DGKE: variants seen among roughly 807,000 people sequenced by gnomAD.
The protein encoded by DGKE is diacylglycerol kinase epsilon.
In DGKE, 53 loss-of-function variants were observed where a neutral mutation model predicts 70.0. That is an observed-to-expected ratio of 0.76 (90% CI 0.61 to 0.95). DGKE has a LOEUF of 0.95. Ranked by LOEUF, DGKE falls within the 40% of genes least tolerant of loss-of-function variation. DGKE has a pLI of 0.00. For synonymous variants in DGKE, 291 were observed against 257.0 expected (o/e 1.13, Z -1.27); for missense variants, 655 against 706.9 (o/e 0.93, Z 0.83).
At chr17:56,840,499 C>T (rs953580049) in intron 2 of DGKE, among the ~76,000 whole-genome samples, 4 of 152,132 alleles carry the variant, frequency 2.6e-5, no homozygotes, top group African/African-American at 9.7e-5. Flanking sequence ...CCTCAGCCTC[C>T]CGAGTAGCTG....
At chr17:56,845,875 T>C (rs1418442025) in intron 4 of DGKE, 66 bp downstream of exon 4, 9 of 1,454,166 alleles carry the variant, frequency 6.2e-6, no homozygotes, top group African/African-American at 1.4e-5. Context: ...TGATTATTAA[T>C]GCTTCAAGTC....
chr17:56,836,151 G>T (rs538819184), intron 2 of DGKE: 21 of 152,280 alleles, frequency 1.4e-4, no homozygotes, highest in Admixed American at 5.9e-4. Context: ...GTAGAAAGGC[G>T]CATAAACATG....
Position 56,848,977 on chromosome 17 carries a change from C to T in DGKE, c.1046+124C>T, listed in dbSNP as rs2271898. The T allele has an allele frequency of 0.74, 1,014,768 of 1,379,984 alleles. 374,884 individuals carry two copies. The highest frequency in any genetic ancestry group is 0.88 in the East Asian group (37,223 of 42,118). 85.5% of individuals were successfully genotyped at this position (1,379,984 alleles called of 1,614,324 possible). A position where few individuals can be genotyped will look rare whatever the true frequency, so the allele number is the denominator to read the frequency against. On this transcript the variant is annotated intron_variant, in intron 6 of 11. Coordinates refer to ENST00000284061, the MANE Select transcript of DGKE (RefSeq NM_003647.3). The stretch of plus-strand genomic sequence containing the variant: ...ATGTGAAAGACTATACTAGTTGTAC[C>T]TACACAGATACTGGTGTTTTGTTTT...
rs1029869668 is a variant in DGKE at position 56,864,742 on chromosome 17, C to G, written c.*1951C>G. ...GTTATAGTTTACCTGTTATATAATT[C>G]GTAGTGCTAATTGTAGTAGAAGCAA... On this transcript the variant is annotated 3_prime_UTR_variant, in exon 12 of 12. Transcript: ENST00000284061. The G allele has an allele frequency of 1.8e-4, 27 of 151,890 alleles. No homozygotes were observed. Among genetic ancestry groups the G allele is most frequent in the African/African-American group, 5.8e-4 (24 of 41,326 alleles). The allele number at this position is 151,890 out of a possible 1,614,324, so 9.4% of individuals were successfully genotyped here.
intron 2 of DGKE, chr17:56,835,655 G>A (rs1268360557): frequency 6.9e-6 from 2 of 288,612 alleles, no homozygotes; most frequent in Non-Finnish European, 1.3e-5. Flanking sequence ...AAACTGATGG[G>A]TCACAGGTTT....
At position 56,863,812 on chromosome 17, in the gene DGKE, A is replaced by C. The variant is rs1420398636; in HGVS notation, c.*1021A>C. 1 of 152,120 alleles carries C rather than the reference A, an allele frequency of 6.6e-6. No homozygotes were observed. The highest frequency in any genetic ancestry group is 1.5e-5 in the Non-Finnish European group (1 of 68,024). 9.4% of individuals were successfully genotyped at this position (152,120 alleles called of 1,614,324 possible). A position where few individuals can be genotyped will look rare whatever the true frequency, so the allele number is the denominator to read the frequency against. ...TAAAATGAGAGAGATATATTTTTAA[A>C]TTATTTATTATTTACCTTGTGGTAT... On this transcript the variant is annotated 3_prime_UTR_variant, in exon 12 of 12. Coordinates refer to ENST00000284061, the MANE Select transcript of DGKE (RefSeq NM_003647.3).
In DGKE at chr17:56,847,902, T is replaced by C; in HGVS notation, c.745-20T>C. Reference sequence around the variant, plus strand: ...GAAAATGTTGGATAAAAATAATTTGTCTTTTTCTTTTGTTTCTAGGTTTTT... The same window carrying C: ...GAAAATGTTGGATAAAAATAATTTGCCTTTTTCTTTTGTTTCTAGGTTTTT... On this transcript the variant is annotated intron_variant, in intron 4 of 11. Coordinates refer to ENST00000284061, the MANE Select transcript of DGKE (RefSeq NM_003647.3). 1 of 1,523,522 alleles carries C rather than the reference T, an allele frequency of 6.6e-7. No homozygotes were observed. Among genetic ancestry groups the C allele is most frequent in the East Asian group, 2.4e-5 (1 of 41,920 alleles). The allele number at this position is 1,523,522 out of a possible 1,614,324, so 94.4% of individuals were successfully genotyped here. A position where few individuals can be genotyped will look rare whatever the true frequency, so the allele number is the denominator to read the frequency against.
At position 56,835,262 on chromosome 17, in the gene DGKE, A is replaced by G. The variant is rs774176060; in HGVS notation, c.464+3A>G. The G allele has an allele frequency of 6.9e-6, 11 of 1,604,150 alleles. No homozygotes were observed. In the East Asian group the frequency reaches 1.8e-4, roughly 26 times the overall value. ...CAACCCAAGCTTTGCGATTACAGGT[A>G]TGGTCTTCGTGGACACTCACTGTCC... On this transcript the variant is annotated splice_donor_region_variant and intron_variant, in intron 2 of 11. Coordinates refer to ENST00000284061, the MANE Select transcript of DGKE (RefSeq NM_003647.3).
chr17:56,851,759 A>G (rs1907664988), intron 7 of DGKE, among the ~76,000 whole-genome samples: 1 of 152,372 alleles, frequency 6.6e-6, no homozygotes, highest in Middle Eastern at 3.4e-3. Flanking sequence ...GAGTGGGACT[A>G]ATGTTCTCAG....
Position 56,864,076 on chromosome 17 carries a change from T to G in DGKE, c.*1285T>G, listed in dbSNP as rs908539508. ...CTTTTGGATAACTGAAAGCTTTGTT[T>G]CATTGTTTTATTTGCCCCTCAATTG... On this transcript the variant is annotated 3_prime_UTR_variant, in exon 12 of 12. Transcript: ENST00000284061. The G allele has an allele frequency of 6.6e-6, 1 of 152,214 alleles. No individual in the cohort carries two copies. The highest frequency in any genetic ancestry group is 1.5e-5 in the Non-Finnish European group (1 of 68,028). The allele number at this position is 152,214 out of a possible 1,614,324, so 9.4% of individuals were successfully genotyped here. A position where few individuals can be genotyped will look rare whatever the true frequency, so the allele number is the denominator to read the frequency against.
intron 9 of DGKE, among the ~76,000 whole-genome samples, chr17:56,858,868 A>G (rs1309831248): frequency 2.0e-5 from 3 of 152,210 alleles, no homozygotes; most frequent in Non-Finnish European, 4.4e-5. Flanking sequence ...TATGTATTAT[A>G]TATTCACATT....
At chr17:56,860,588 A>G (rs537619705) in intron 9 of DGKE, among the ~76,000 whole-genome samples, 1 of 152,376 alleles carries the variant, frequency 6.6e-6, no homozygotes, top group East Asian at 1.9e-4. Context: ...AAGTTATATA[A>G]GAAAAGCATG....
intron 2 of DGKE, among the ~76,000 whole-genome samples, chr17:56,841,799 G>T (rs1185761573): frequency 1.3e-5 from 2 of 151,992 alleles, no homozygotes; most frequent in Non-Finnish European, 2.9e-5. Flanking sequence ...ACAGAAAAGG[G>T]GTCAGGTTTT....
At chr17:56,851,623 T>TC (rs1361221535) in intron 7 of DGKE, among the ~76,000 whole-genome samples, 3 of 152,168 alleles carry the variant, frequency 2.0e-5, no homozygotes, top group African/African-American at 7.2e-5. Flanking sequence ...AAAACATGAA[T>TC]ATATACAGCC....
chr17:56,840,171 T>C (rs1207473004), intron 2 of DGKE, among the ~76,000 whole-genome samples: 4 of 152,010 alleles, frequency 2.6e-5, no homozygotes, highest in African/African-American at 4.8e-5. Context: ...TCTCAAAAAA[T>C]AATAGTAATA....
intron 7 of DGKE, among the ~76,000 whole-genome samples, chr17:56,850,927 C>G (rs907878521): frequency 1.3e-5 from 2 of 151,944 alleles, no homozygotes; most frequent in Non-Finnish European, 2.9e-5. Context: ...TAGTTCTGCC[C>G]TAGCTGAGAA....
At position 56,866,006 on chromosome 17, in the gene DGKE, T is replaced by A. The variant is rs1330551699; in HGVS notation, c.*3215T>A. On this transcript the variant is annotated 3_prime_UTR_variant, in exon 12 of 12. Transcript: ENST00000284061. ...AAGAACCAGCATTTTATATTGATAA[T>A]TTTTTTAATATTTCTACCCAGTTGA... 3.0e-4 allele frequency: 45 copies of A among 152,110 alleles called. No homozygotes were observed. The highest frequency in any genetic ancestry group is 4.4e-5 in the Non-Finnish European group (3 of 68,020). The allele number at this position is 152,110 out of a possible 1,614,324, so 9.4% of individuals were successfully genotyped here.
intron 2 of DGKE, among the ~76,000 whole-genome samples, chr17:56,839,684 T>C (rs951872613): frequency 1.2e-4 from 18 of 144,918 alleles, no homozygotes; most frequent in African/African-American, 4.7e-4. Flanking sequence ...ATGCCTGATA[T>C]TTTTTTTTTC....
At chr17:56,835,463 C>A (rs1906553402) in intron 2 of DGKE, 1 of 593,354 alleles carries the variant, frequency 1.7e-6, no homozygotes, top group Admixed American at 3.4e-5. Flanking sequence ...CCAGCCTCCA[C>A]TCCTCAGCCA....
Sources: allele counts gnomAD v4.1 joint callset (sites outside exome capture counted in the v4.1 genomes callset), GRCh38; gene constraint gnomAD v4.1.1; transcripts MANE v1.5; gene names NCBI Gene and HGNC (gene_info 2026-07-23, HGNC 2026-07-21).